Variants in BMX observed in about 807,000 individuals in gnomAD.
BMX encodes BMX non-receptor tyrosine kinase.
Under a neutral mutation model 59.2 loss-of-function variants are expected in BMX, and 31 were observed. That is an observed-to-expected ratio of 0.52 (90% CI 0.39 to 0.71). The LOEUF is 0.71. Ranked by LOEUF, BMX falls within the 30% of genes least tolerant of loss-of-function variation. The pLI is 0.00. For synonymous variants in BMX, 185 were observed against 181.0 expected, an observed-to-expected ratio of 1.02 and a Z score of -0.18; for missense variants, 474 against 491.7, an observed-to-expected ratio of 0.96 and a Z score of 0.34.
At chrX:15,540,614 C>A (rs1358299947) in intron 14 of BMX, among the ~76,000 whole-genome samples, 2 of 109,837 alleles carry the variant, frequency 1.8e-5, no homozygotes, top group Non-Finnish European at 3.8e-5. Flanking sequence ...TGCGTGGCAA[C>A]AAAACAAAAT....
chrX:15,520,551 G>GATA (rs767530169), intron 6 of BMX, among the ~76,000 whole-genome samples: 40 of 112,022 alleles, frequency 3.6e-4, no homozygotes, highest in African/African-American at 1.2e-3. Flanking sequence ...AAGAGCAGAA[G>GATA]ATAATTAAGA....
At chrX:15,516,933 G>A (rs1443250018) in intron 5 of BMX, among the ~76,000 whole-genome samples, 2 of 111,103 alleles carry the variant, frequency 1.8e-5, no homozygotes, top group African/African-American at 6.5e-5. Context: ...ATACAAAATA[G>A]GATAACTTAT....
At chrX:15,549,488 A>G in intron 17 of BMX, among the ~76,000 whole-genome samples, 1 of 112,064 alleles carries the variant, frequency 8.9e-6, no homozygotes. Context: ...CTCACTACAC[A>G]GGTAGTTGTC....
intron 6 of BMX, among the ~76,000 whole-genome samples, chrX:15,521,278 G>C (rs774432827): frequency 3.1e-4 from 35 of 111,890 alleles, no homozygotes; most frequent in Middle Eastern, 4.6e-3. Context: ...GCCTGATTTT[G>C]ACTTTTATAT....
intron 18 of BMX, 23 bp from the exon 19 acceptor site, chrX:15,556,050 G>T: frequency 8.5e-7 from 1 of 1,182,090 alleles, no homozygotes; most frequent in Non-Finnish European, 1.1e-6. Flanking sequence ...TAAAACATTG[G>T]GTTTCTTGTT....
At chrX:15,555,500 C>A (rs138592840) in intron 18 of BMX, among the ~76,000 whole-genome samples, 2 of 110,948 alleles carry the variant, frequency 1.8e-5, no homozygotes, top group African/African-American at 3.3e-5. Context: ...TGAGCCACTG[C>A]GCCTGGCCAG....
chrX:15,554,947 A>G (rs765100805), intron 18 of BMX, among the ~76,000 whole-genome samples: 36 of 111,149 alleles, frequency 3.2e-4, no homozygotes, highest in Admixed American at 1.4e-3. Context: ...CTAGCACCAC[A>G]CTGCTCTGAT....
intron 1 of BMX, among the ~76,000 whole-genome samples, chrX:15,502,564 G>A (rs1328982304): frequency 1.8e-5 from 2 of 111,694 alleles, no homozygotes; most frequent in Non-Finnish European, 3.8e-5. Context: ...ATCAATTAAG[G>A]TATGATGCTC....
intron 11 of BMX, 35 bp downstream of exon 11, chrX:15,531,442 C>T: frequency 9.4e-7 from 1 of 1,068,724 alleles, no homozygotes; most frequent in Non-Finnish European, 1.3e-6. Context: ...TTTTCTCTTT[C>T]TGCGTATATT....
intron 18 of BMX, among the ~76,000 whole-genome samples, chrX:15,550,973 A>C (rs1320183400): frequency 1.8e-5 from 2 of 111,247 alleles, no homozygotes; most frequent in East Asian, 5.6e-4. Flanking sequence ...CCAGGTGAGA[A>C]CAGCACAAGC....
At chrX:15,527,515 T>C (rs140926773) in intron 9 of BMX, among the ~76,000 whole-genome samples, 2,606 of 110,120 alleles carry the variant, frequency 0.024, 73 homozygotes, top group African/African-American at 0.082. Context: ...ATGTAAAGAT[T>C]AGTGTTAAGA....
At chrX:15,519,383 A>T (rs915191211) in intron 6 of BMX, among the ~76,000 whole-genome samples, 4 of 112,438 alleles carry the variant, frequency 3.6e-5, no homozygotes, top group Admixed American at 1.9e-4. Flanking sequence ...TTTCATATCC[A>T]TGTAGAACCT....
intron 14 of BMX, 142 bp from the exon 15 acceptor site, chrX:15,541,840 A>C: frequency 1.7e-6 from 1 of 589,228 alleles, no homozygotes. Context: ...AAGATCCTAA[A>C]CTTTTCCCTC....
At chrX:15,554,202 C>T (rs941214095) in intron 18 of BMX, among the ~76,000 whole-genome samples, 1 of 112,351 alleles carries the variant, frequency 8.9e-6, no homozygotes, top group Non-Finnish European at 1.9e-5. Flanking sequence ...AACTTCTCCT[C>T]TCCATAGGCG....
At chrX:15,555,334 G>A (rs942995528) in intron 18 of BMX, among the ~76,000 whole-genome samples, 3 of 102,418 alleles carry the variant, frequency 2.9e-5, no homozygotes, top group Admixed American at 2.2e-4. Context: ...CCACCCTCCC[G>A]AGTAGCTTGG....
At chrX:15,524,232 C>T (rs1436480550) in intron 7 of BMX, among the ~76,000 whole-genome samples, 6 of 112,244 alleles carry the variant, frequency 5.3e-5, no homozygotes, top group Admixed American at 2.8e-4. Context: ...TAAGTTCTCA[C>T]GATACAGTCT....
chrX:15,509,424 C>T lies in BMX; in HGVS notation c.234C>T (p.Tyr78=). The change falls in exon 3 of 19, where the codon TAC becomes TAT. Residue 78 remains tyrosine (Y), a synonymous_variant. Transcript: ENST00000348343. Reference sequence around the variant, plus strand: ...AGCAGACGCCTGTAGAGAGACAGTACCCATTTCAGGTAAAGGGAAGAACGA... The same window carrying T: ...AGCAGACGCCTGTAGAGAGACAGTATCCATTTCAGGTAAAGGGAAGAACGA... ...LEEQTPVERQ[Y]PFQIVYKDGL... 1 of 1,191,732 alleles carries T rather than the reference C, an allele frequency of 8.4e-7. No individual in the cohort carries two copies. The highest frequency in any genetic ancestry group is 2.2e-5 in the Admixed American group (1 of 44,982).
At chrX:15,525,139 C>A in intron 7 of BMX, 149 bp from the exon 8 acceptor site, 1 of 506,780 alleles carries the variant, frequency 2.0e-6, no homozygotes, top group Non-Finnish European at 3.1e-6. Flanking sequence ...GTGAAAGTAA[C>A]TCATTAGCTT....
intron 7 of BMX, among the ~76,000 whole-genome samples, chrX:15,524,261 A>C (rs979185159): frequency 8.9e-6 from 1 of 112,250 alleles, no homozygotes; most frequent in Non-Finnish European, 1.9e-5. Flanking sequence ...TGTTCTTTTC[A>C]CTTGACATCT....
Sources: gnomAD v4.1 joint callset for allele counts (sites outside exome capture counted in the v4.1 genomes callset) on GRCh38, gnomAD v4.1.1 for gene constraint, MANE v1.5 for transcripts, NCBI Gene and HGNC (gene_info 2026-07-23, HGNC 2026-07-21) for gene names.